The following SYT7 variants were observed in gnomAD, a reference collection of about 807,000 sequenced individuals.
SYT7 encodes synaptotagmin 7, also known as synaptotagmin-7.
A neutral mutation model predicts 75.1 loss-of-function variants in SYT7; 29 were observed. That is an observed-to-expected ratio of 0.39 (90% CI 0.29 to 0.53). The LOEUF (loss-of-function observed/expected upper bound fraction) is 0.53, where lower values mean the gene tolerates loss of function less well. SYT7 is among the 20% of genes least tolerant of loss of function. SYT7 has a pLI of 0.77. For missense variants in SYT7, 693 were observed against 953.2 expected (o/e 0.73, Z 3.59); for synonymous variants, 376 against 401.7 (o/e 0.94, Z 0.76).
At chr11:61,558,244 G>A (rs945163723) in intron 1 of SYT7, among the ~76,000 whole-genome samples, 3 of 152,100 alleles carry the variant, frequency 2.0e-5, no homozygotes, top group Non-Finnish European at 4.4e-5. Context: ...ATCACTTAAG[G>A]TCAGGAATTC....
intron 7 of SYT7, among the ~76,000 whole-genome samples, chr11:61,535,974 T>C (rs1389055099): frequency 2.6e-5 from 4 of 152,100 alleles, no homozygotes; most frequent in African/African-American, 9.7e-5. Flanking sequence ...GGTGGGGCCC[T>C]AAGCTGCCAG....
chr11:61,552,333 C>T (rs1198337160), intron 2 of SYT7, among the ~76,000 whole-genome samples: 6 of 152,048 alleles, frequency 3.9e-5, no homozygotes, highest in Non-Finnish European at 8.8e-5. Flanking sequence ...CCATGGGCCA[C>T]GGACCTGGGC....
At chr11:61,549,289 A>C (rs1200710240) in intron 3 of SYT7, among the ~76,000 whole-genome samples, 1 of 152,198 alleles carries the variant, frequency 6.6e-6, no homozygotes, top group Non-Finnish European at 1.5e-5. Context: ...AGGATCTTTG[A>C]TTAAAGAAAT....
chr11:61,584,214 T>A (rs2064337499), upstream of SYT7, among the ~76,000 whole-genome samples: 3 of 151,272 alleles, frequency 2.0e-5, no homozygotes, highest in Admixed American at 2.0e-4. Flanking sequence ...ATGGTGAAAC[T>A]CCATCTCTAC....
At position 61,556,275 on chromosome 11, in the gene SYT7, C is replaced by T; in HGVS notation, c.32-68G>A. ...CTGCCACCCTCCCTCAGCCCAGAGC[C>T]CTCCAGAACCACCACCCTACCCTCC... On this transcript the variant is annotated intron_variant, in intron 1 of 12. Coordinates refer to ENST00000539008, the MANE Select transcript of SYT7 (RefSeq NM_001365809.2). 6.0e-6 allele frequency: 8 copies of T among 1,327,896 alleles called. 1 individual carries two copies. Among genetic ancestry groups the T allele is most frequent in the South Asian group, 3.9e-5 (3 of 77,220 alleles). 82.3% of individuals were successfully genotyped at this position (1,327,896 alleles called of 1,614,324 possible). A position where few individuals can be genotyped will look rare whatever the true frequency, so the allele number is the denominator to read the frequency against.
intron 5 of SYT7, among the ~76,000 whole-genome samples, chr11:61,545,669 G>A (rs2135265234): frequency 6.6e-6 from 1 of 152,356 alleles, no homozygotes; most frequent in East Asian, 1.9e-4. Flanking sequence ...AACAACCACA[G>A]GCCTGCTGCC....
Position 61,524,265 on chromosome 11 carries a change from G to T in SYT7, c.1641+98C>A. The T allele has an allele frequency of 6.9e-7, 1 of 1,446,186 alleles. No individual in the cohort carries two copies. Among genetic ancestry groups the T allele is most frequent in the Non-Finnish European group, 9.4e-7 (1 of 1,065,878 alleles). The allele number at this position is 1,446,186 out of a possible 1,614,324, so 89.6% of individuals were successfully genotyped here. On this transcript the variant is annotated intron_variant, in intron 10 of 12. Coordinates refer to ENST00000539008, the MANE Select transcript of SYT7 (RefSeq NM_001365809.2). The surrounding 1 kb of genome is among the most constrained non-coding windows in gnomAD (Gnocchi z 4.1). ...CCACCCATCTGCACCCTCTCCCACA[G>T]CCCTCCTGGCCTTCCTAAGGTTGAC... is the stretch of plus-strand genomic sequence containing the variant.
chr11:61,533,134 G>A lies in SYT7; in HGVS notation c.1065-10C>T. ...CCCTCCTGCAGGCAACCTGAGGGCAGGGGAGTCCAAATGAGATTGGGCTGG... is the reference window on the plus strand; with the variant it reads ...CCCTCCTGCAGGCAACCTGAGGGCAAGGGAGTCCAAATGAGATTGGGCTGG... On this transcript the variant is annotated splice_polypyrimidine_tract_variant and intron_variant, in intron 7 of 12. Transcript: ENST00000539008. The A allele has an allele frequency of 6.3e-7, 1 of 1,579,892 alleles. No homozygotes were observed.
chr11:61,547,542 G>A (rs575742790), intron 3 of SYT7, among the ~76,000 whole-genome samples: 12 of 152,176 alleles, frequency 7.9e-5, no homozygotes, highest in Middle Eastern at 6.8e-3. Context: ...ATGCACACAC[G>A]CACGCACTCG....
intron 2 of SYT7, 68 bp downstream of exon 2, chr11:61,556,036 G>T: frequency 7.3e-7 from 1 of 1,367,838 alleles, no homozygotes; most frequent in Non-Finnish European, 1.0e-6. Context: ...AATTGTGTGT[G>T]TGTGTGGGGA....
chr11:61,530,846 G>A, intron 8 of SYT7: 1 of 985,424 alleles, frequency 1.0e-6, no homozygotes, highest in Non-Finnish European at 1.2e-6. Context: ...ACTCAGCTGG[G>A]ACAGAGCCAT....
chr11:61,538,304 G>C, intron 6 of SYT7, 38 bp from the exon 7 acceptor site: 11 of 1,506,342 alleles, frequency 7.3e-6, no homozygotes, highest in East Asian at 2.6e-5. Flanking sequence ...AGGGTGAAAC[G>C]AGGAGGCCCC....
intron 3 of SYT7, among the ~76,000 whole-genome samples, chr11:61,548,686 A>G (rs1468317396): frequency 6.6e-6 from 1 of 152,208 alleles, no homozygotes; most frequent in East Asian, 1.9e-4. Context: ...ACCCCCCAGG[A>G]TCAAGCAAAC....
At chr11:61,533,508 G>T (rs929282303) in intron 7 of SYT7, 5 of 985,308 alleles carry the variant, frequency 5.1e-6, no homozygotes, top group Non-Finnish European at 6.0e-6. Context: ...AGCCTGGAAG[G>T]GGGAGGCTCC....
intron 1 of SYT7, among the ~76,000 whole-genome samples, chr11:61,571,383 A>C (rs2063916120): frequency 6.6e-6 from 1 of 152,226 alleles, no homozygotes; most frequent in Admixed American, 6.5e-5. Flanking sequence ...GCATCCCAGC[A>C]CCAGAACAAG....
intron 12 of SYT7, among the ~76,000 whole-genome samples, chr11:61,519,055 G>A (rs2062228197): frequency 6.6e-6 from 1 of 152,194 alleles, no homozygotes; most frequent in Admixed American, 6.5e-5. Context: ...CCTATCTGTT[G>A]GGTGATGTCC....
At chr11:61,540,834 C>T (rs1428933968) in intron 6 of SYT7, 5 of 985,378 alleles carry the variant, frequency 5.1e-6, no homozygotes, top group East Asian at 1.1e-4. Flanking sequence ...CCAAGATCCA[C>T]GCCTGGATCA....
rs73496241 is a variant in SYT7, at chr11:61,518,086, G to A, written c.*541C>T. 1 of 157,460 alleles carries A rather than the reference G, an allele frequency of 6.4e-6. No individual in the cohort carries two copies. The highest frequency in any genetic ancestry group is 6.5e-5 in the Admixed American group (1 of 15,404). The allele number at this position is 157,460 out of a possible 1,614,324, so 9.8% of individuals were successfully genotyped here. On this transcript the variant is annotated 3_prime_UTR_variant, in exon 13 of 13. Coordinates refer to ENST00000539008, the MANE Select transcript of SYT7 (RefSeq NM_001365809.2). ...ACAATGGACACAACACGAGTACAAAGGGCCACAGCTCCAGGACCCAGGAGC... is the reference window on the plus strand; with the variant it reads ...ACAATGGACACAACACGAGTACAAAAGGCCACAGCTCCAGGACCCAGGAGC...
At position 61,538,257 on chromosome 11, in the gene SYT7, C is replaced by G. The variant is rs1193135689; in HGVS notation, c.951G>C (p.Arg317=). The change falls in exon 7 of 13, where the codon CGG becomes CGC. Residue 317 remains arginine (R), a synonymous_variant. Transcript: ENST00000539008. ...GLDMKSFLEG[R]MVVLSLVLGL... The stretch of plus-strand genomic sequence containing the variant: ...CTAAGACCAAGGATAGCACCACCAT[C>G]CGGCCTTCCCTGCCCGGGGAGGGCA... 3 of 1,534,844 alleles carry G rather than the reference C, an allele frequency of 2.0e-6. No homozygotes were observed. In the African/African-American group the frequency reaches 4.1e-5, roughly 21 times the overall value.
Sources: gnomAD v4.1 joint callset for allele counts (sites outside exome capture counted in the v4.1 genomes callset) on GRCh38, gnomAD v4.1.1 for gene constraint, Gnocchi (gnomAD v3.1) non-coding constraint, MANE v1.5 for transcripts, NCBI Gene and HGNC (gene_info 2026-07-23, HGNC 2026-07-21) for gene names.